ARMC2: variants seen among roughly 807,000 people sequenced by gnomAD.
The protein encoded by ARMC2 is armadillo repeat-containing protein 2.
Under a neutral mutation model 90.3 loss-of-function variants are expected in ARMC2, and 67 were observed. The observed-to-expected ratio is 0.74, with a 90% CI of 0.61 to 0.91. ARMC2 has a LOEUF of 0.91. Ranked by LOEUF, ARMC2 falls within the 40% of genes least tolerant of loss-of-function variation. The pLI, the probability that ARMC2 is intolerant of heterozygous loss-of-function variation, is 0.00. For missense variants in ARMC2, 920 were observed against 1,030.9 expected, an observed-to-expected ratio of 0.89 and a Z score of 1.47; for synonymous variants, 393 against 393.0, an observed-to-expected ratio of 1.00 and a Z score of 0.00.
chr6:109,038,967 A>G, the ARMC2 span, among the ~76,000 whole-genome samples: 1 of 150,366 alleles, frequency 6.7e-6, no homozygotes, highest in Non-Finnish European at 1.5e-5. Flanking sequence ...AAGGGAGAAG[A>G]AGGAAAAGAA....
chr6:109,038,606 C>T, the ARMC2 span, among the ~76,000 whole-genome samples: 1 of 152,228 alleles, frequency 6.6e-6, no homozygotes, highest in Non-Finnish European at 1.5e-5. Flanking sequence ...GGGAATACAA[C>T]ACATTTCTGT....
At chr6:108,908,394 C>T (rs910761129) in intron 8 of ARMC2, among the ~76,000 whole-genome samples, 2 of 152,184 alleles carry the variant, frequency 1.3e-5, no homozygotes, top group Admixed American at 6.5e-5. Context: ...AGCAGCATAG[C>T]GCCTGGTACA....
chr6:109,044,790 G>A, the ARMC2 span, among the ~76,000 whole-genome samples: 28 of 152,218 alleles, frequency 1.8e-4, no homozygotes, highest in African/African-American at 6.5e-4. Context: ...TTGGGAGGTC[G>A]AGGAGGGCAG....
rs1408360669 is a variant in ARMC2, at chr6:108,973,556, C to T, written c.*42C>T. 3.3e-6 allele frequency: 5 copies of T among 1,522,864 alleles called. No individual in the cohort carries two copies. In the East Asian group the frequency reaches 1.1e-4, roughly 35 times the overall value. 94.3% of individuals were successfully genotyped at this position (1,522,864 alleles called of 1,614,324 possible). On this transcript the variant is annotated 3_prime_UTR_variant, in exon 18 of 18. Coordinates refer to ENST00000392644, the MANE Select transcript of ARMC2 (RefSeq NM_032131.6). ...AGTAGAAACGAGAACTCACGTCTCCCTCATTCTTAAGAACTGGTAACAAAC... is the reference window on the plus strand; with the variant it reads ...AGTAGAAACGAGAACTCACGTCTCCTTCATTCTTAAGAACTGGTAACAAAC...
At chr6:108,990,581 C>T in the ARMC2 span, 1 of 1,461,116 alleles carries the variant, frequency 6.8e-7, no homozygotes, top group South Asian at 1.2e-5. Context: ...ATGTGCGCTC[C>T]AAGCACTTGA....
In ARMC2 at chr6:108,973,424, A is replaced by G; in HGVS notation, c.2514A>G (p.Glu838=). 6.2e-7 allele frequency: 1 copy of G among 1,613,940 alleles called. No individual in the cohort carries two copies. Among genetic ancestry groups the G allele is most frequent in the Non-Finnish European group, 8.5e-7 (1 of 1,179,806 alleles). The change falls in exon 18 of 18, where the codon GAA becomes GAG. Residue 838 remains glutamate (E), a synonymous_variant. Transcript: ENST00000392644. The stretch of plus-strand genomic sequence containing the variant: ...AAAACTATCACAAACTCCATTGGGA[A>G]ACAGAATTCAAACCTGTGGCACAGC... ...DLKNYHKLHW[E]TEFKPVAQQL...
At chr6:109,010,895 T>G in the ARMC2 span, among the ~76,000 whole-genome samples, 1 of 152,238 alleles carries the variant, frequency 6.6e-6, no homozygotes. Flanking sequence ...TCATGCAATT[T>G]GCAGCAATAT....
the ARMC2 span, chr6:109,009,502 G>A: frequency 2.5e-6 from 3 of 1,214,422 alleles, no homozygotes; most frequent in Non-Finnish European, 2.0e-6. Flanking sequence ...GGCGGCGAGC[G>A]CTGGGCAGCC....
At position 108,894,556 on chromosome 6, in the gene ARMC2, C is replaced by T. The variant is rs1771406252; in HGVS notation, c.748+13C>T. 2.5e-6 allele frequency: 4 copies of T among 1,586,660 alleles called. No homozygotes were observed. The African/African-American group carries it at 5.5e-5, about 22-fold the overall frequency. On this transcript the variant is annotated intron_variant, in intron 6 of 17. Transcript: ENST00000392644. ...CAAACCAAAGCAGGTGAGGGGTCCC[C>T]ACACTCCTTCATCTACAGCATCTCC... is the stretch of plus-strand genomic sequence containing the variant.
At chr6:108,944,243 G>T (rs940135621) in intron 12 of ARMC2, among the ~76,000 whole-genome samples, 3 of 152,218 alleles carry the variant, frequency 2.0e-5, no homozygotes, top group Non-Finnish European at 4.4e-5. Flanking sequence ...GACCCACCAG[G>T]TGCTAATGTA....
rs1297647110 is a variant in ARMC2 at position 108,907,539 on chromosome 6, C to T, written c.1023+3134C>T. 7 of 1,206,738 alleles carry T rather than the reference C, an allele frequency of 5.8e-6. No homozygotes were observed. The Admixed American group carries it at 7.1e-5, about 12-fold the overall frequency. 74.8% of individuals were successfully genotyped at this position (1,206,738 alleles called of 1,614,324 possible). ...GGATATGAAAGAATTCAGCAACGAT[C>T]GAGATTGTGTTCCTCACAGAGGGGC... On this transcript the variant is annotated intron_variant, in intron 8 of 17. Transcript: ENST00000392644.
downstream of ARMC2, among the ~76,000 whole-genome samples, chr6:108,978,468 T>G (rs1236005183): frequency 6.6e-6 from 1 of 152,204 alleles, no homozygotes; most frequent in Non-Finnish European, 1.5e-5. Flanking sequence ...GAATGTATAT[T>G]CTGTTGATTT....
At chr6:109,005,762 C>A in the ARMC2 span, among the ~76,000 whole-genome samples, 1 of 152,066 alleles carries the variant, frequency 6.6e-6, no homozygotes, top group African/African-American at 2.4e-5. Flanking sequence ...GGGATGATGA[C>A]AAAATAATAA....
rs141673703 is a variant in ARMC2, at chr6:108,879,112, T to C, written c.671+2762T>C. On this transcript the variant is annotated intron_variant, in intron 5 of 17. Transcript: ENST00000392644. ...ACCCATCTGTCATCCACCCATCCAT[T>C]CATCCATCCATCCATCCATCCGCTC... 4.3e-3 allele frequency among the ~76,000 whole-genome samples: 636 copies of C among 148,276 alleles called. 4 individuals carry two copies. Among genetic ancestry groups the C allele is most frequent in the African/African-American group, 0.015 (592 of 40,010 alleles).
At chr6:108,998,346 G>A in the ARMC2 span, 39 of 673,918 alleles carry the variant, frequency 5.8e-5, no homozygotes, top group African/African-American at 7.1e-4. Flanking sequence ...GACTAGTGAT[G>A]AGCATGTGAG....
In ARMC2 at chr6:108,881,046, G is replaced by A. The variant is rs140644078; in HGVS notation, c.671+4696G>A. ...AATTTTTGTATTTTTAGTAGAGATG[G>A]GGTTTCACCATGTTGGCCAGGATGG... On this transcript the variant is annotated intron_variant, in intron 5 of 17. Coordinates refer to ENST00000392644, the MANE Select transcript of ARMC2 (RefSeq NM_032131.6). Among the ~76,000 whole-genome samples, 1,371 of 151,930 alleles carry A rather than the reference G, an allele frequency of 9.0e-3. 12 individuals are homozygous for A. Among genetic ancestry groups the A allele is most frequent in the Middle Eastern group, 0.024 (7 of 294 alleles).
intron 10 of ARMC2, among the ~76,000 whole-genome samples, chr6:108,916,222 G>A (rs1249976966): frequency 6.6e-6 from 1 of 152,174 alleles, no homozygotes; most frequent in Non-Finnish European, 1.5e-5. Flanking sequence ...AAGTTTTGTG[G>A]CGTGGCTGCT....
Position 108,913,499 on chromosome 6 carries a change from GA to G in ARMC2, c.1350+944del, listed in dbSNP as rs1435766447. On this transcript the variant is annotated intron_variant, in intron 10 of 17. Coordinates refer to ENST00000392644, the MANE Select transcript of ARMC2 (RefSeq NM_032131.6). Reference sequence around the variant, plus strand: ...CCCTGTTTTGGCTAGGAAGACTTCAGAAACATTTTCCATGCTCCCAGTGTTA... The same window carrying G: ...CCCTGTTTTGGCTAGGAAGACTTCAGAACATTTTCCATGCTCCCAGTGTTA... 1.2e-4 allele frequency among the ~76,000 whole-genome samples: 18 copies of G among 152,264 alleles called. No individual in the cohort carries two copies. The East Asian group carries it at 2.5e-3, about 21-fold the overall frequency.
intron 4 of ARMC2, 116 bp downstream of exon 4, chr6:108,869,111 G>T: frequency 2.6e-5 from 29 of 1,135,906 alleles, no homozygotes; most frequent in African/African-American, 3.2e-5. Flanking sequence ...TATTAACTAA[G>T]ATTAGTTAAT....
Sources: gnomAD v4.1 joint callset for allele counts (sites outside exome capture counted in the v4.1 genomes callset) on GRCh38, gnomAD v4.1.1 for gene constraint, MANE v1.5 for transcripts, NCBI Gene and HGNC (gene_info 2026-07-23, HGNC 2026-07-21) for gene names.